Variants in ACSM3 observed in about 807,000 individuals in gnomAD.
ACSM3 encodes the protein acyl-coenzyme A synthetase ACSM3, mitochondrial.
Under a neutral mutation model 74.1 loss-of-function variants are expected in ACSM3, and 61 were observed. The observed-to-expected ratio is 0.82, with a 90% confidence interval of 0.67 to 1.02. The LOEUF (loss-of-function observed/expected upper bound fraction) is 1.02, where lower values mean the gene tolerates loss of function less well. ACSM3 is among the 50% of genes least tolerant of loss of function. ACSM3 has a pLI of 0.00. For synonymous variants in ACSM3, 213 were observed against 241.5 expected (o/e 0.88, Z 1.09); for missense variants, 660 against 697.0 (o/e 0.95, Z 0.60).
upstream of ACSM3, chr16:20,674,558 T>C (rs1443341768): frequency 6.5e-6 from 1 of 152,960 alleles, no homozygotes; most frequent in Non-Finnish European, 1.5e-5. Context: ...ATAATACATA[T>C]ATCCTCCTCA....
intron 1 of ACSM3, among the ~76,000 whole-genome samples, chr16:20,695,854 C>A (rs1172575327): frequency 6.6e-6 from 1 of 152,068 alleles, no homozygotes; most frequent in African/African-American, 2.4e-5. Context: ...TACATTTATA[C>A]CTATATCACT....
At chr16:20,758,641 T>C (rs1230609908) in intron 3 of ACSM3, among the ~76,000 whole-genome samples, 2 of 152,202 alleles carry the variant, frequency 1.3e-5, no homozygotes, top group Non-Finnish European at 2.9e-5. Context: ...TCAGTTCTGC[T>C]CGATTTTAGT....
At chr16:20,770,827 A>G (rs1170391204) in intron 2 of ACSM3, among the ~76,000 whole-genome samples, 1 of 152,154 alleles carries the variant, frequency 6.6e-6, no homozygotes, top group African/African-American at 2.4e-5. Flanking sequence ...ATGTGTAGTG[A>G]TCAAATGAGG....
At chr16:20,674,432 A>C (rs912705275), upstream of ACSM3, 5 of 170,324 alleles carry the variant, frequency 2.9e-5, no homozygotes, top group Non-Finnish European at 5.1e-5. Context: ...CTTCCCCCTG[A>C]ACAGATCTCT....
In ACSM3 at chr16:20,767,234, G is replaced by C. The variant is rs2080136532; in HGVS notation, c.-51-2750G>C. 2.6e-5 allele frequency among the ~76,000 whole-genome samples: 2 copies of C among 77,598 alleles called. 1 individual carries two copies. The highest frequency in any genetic ancestry group is 6.4e-5 in the Non-Finnish European group (2 of 31,190). 50.9% of individuals were successfully genotyped at this position (77,598 alleles called of 152,430 possible). Reference sequence around the variant, plus strand: ...GACTTGCCAGCAAAAAACAGGGACCGGGGCCGGGCGCGGTGGCTCACGCCT... The same window carrying C: ...GACTTGCCAGCAAAAAACAGGGACCCGGGCCGGGCGCGGTGGCTCACGCCT... On this transcript the variant is annotated intron_variant, in intron 1 of 13. Transcript: ENST00000289416.
At chr16:20,742,813 A>ATATATTTTTT (rs61582869) in intron 1 of ACSM3, among the ~76,000 whole-genome samples, 28 of 66,822 alleles carry the variant, frequency 4.2e-4, no homozygotes, top group Admixed American at 8.1e-4. Flanking sequence ...ATATATATAT[A>ATATATTTTTT]TTTTTTTTTT....
intron 1 of ACSM3, among the ~76,000 whole-genome samples, chr16:20,687,899 C>T (rs2079581785): frequency 6.6e-6 from 1 of 152,036 alleles, no homozygotes; most frequent in African/African-American, 2.4e-5. Context: ...GCCTGGCCAA[C>T]ACGGCAAAAC....
At chr16:20,761,050 T>G (rs140789018), upstream of ACSM3, among the ~76,000 whole-genome samples, 1,107 of 152,318 alleles carry the variant, frequency 7.3e-3, 8 homozygotes, top group Middle Eastern at 0.024. Flanking sequence ...GCCCAGCCTC[T>G]TCCTCCTTTG....
rs1432419699 is a variant in ACSM3, at chr16:20,796,981, C to G, written c.*9C>G. On this transcript the variant is annotated 3_prime_UTR_variant, in exon 14 of 14. Coordinates refer to ENST00000289416, the MANE Select transcript of ACSM3 (RefSeq NM_005622.4). Reference sequence around the variant, plus strand: ...AATGGAAGACAATTTAAAGTTGTTTCATTAATTACCATATCTATAAAACAA... The same window carrying G: ...AATGGAAGACAATTTAAAGTTGTTTGATTAATTACCATATCTATAAAACAA... 6.2e-7 allele frequency: 1 copy of G among 1,610,036 alleles called. No homozygotes were observed. The highest frequency in any genetic ancestry group is 8.5e-7 in the Non-Finnish European group (1 of 1,178,524).
intron 1 of ACSM3, chr16:20,711,547 A>C (rs2079744096): frequency 7.0e-7 from 1 of 1,426,758 alleles, no homozygotes; most frequent in East Asian, 2.4e-5. Flanking sequence ...ATCCAAGGCC[A>C]AGTGCATTGT....
At chr16:20,761,303 C>A (rs531835864), upstream of ACSM3, among the ~76,000 whole-genome samples, 6 of 152,328 alleles carry the variant, frequency 3.9e-5, no homozygotes, top group African/African-American at 1.4e-4. Context: ...CAAACTGTAA[C>A]CCAATCACCT....
At chr16:20,749,110 T>A (rs2079970872) in intron 1 of ACSM3, among the ~76,000 whole-genome samples, 1 of 152,108 alleles carries the variant, frequency 6.6e-6, no homozygotes, top group African/African-American at 2.4e-5. Flanking sequence ...ATGTGTAATA[T>A]GAACTAACTT....
Position 20,790,455 on chromosome 16 carries a change from TCACA to T in ACSM3, c.1225-125_1225-122del, listed in dbSNP as rs1361696058. On this transcript the variant is annotated intron_variant, in intron 9 of 13. Transcript: ENST00000289416. This position sits in a 1 kb window ranked among gnomAD's most constrained non-coding sequence, Gnocchi z 4.0. ...CTGGGTGACAAAGTGAGACCTTGTC[TCACA>T]CACACAAAATTTTTTTTAAGTCTTC... 1.2e-6 allele frequency: 1 copy of T among 801,874 alleles called. No homozygotes were observed. Among genetic ancestry groups the T allele is most frequent in the African/African-American group, 1.7e-5 (1 of 57,372 alleles). The allele number at this position is 801,874 out of a possible 1,614,324, so 49.7% of individuals were successfully genotyped here. A position where few individuals can be genotyped will look rare whatever the true frequency, so the allele number is the denominator to read the frequency against.
intron 1 of ACSM3, among the ~76,000 whole-genome samples, chr16:20,694,826 G>A (rs1195251446): frequency 6.6e-6 from 1 of 152,066 alleles, no homozygotes; most frequent in Non-Finnish European, 1.5e-5. Flanking sequence ...ATTAGGGTGG[G>A]CCCTAATCCA....
chr16:20,771,371 C>CT (rs57406215), intron 2 of ACSM3, among the ~76,000 whole-genome samples: 30,360 of 85,220 alleles, frequency 0.36, 7,957 homozygotes, highest in Non-Finnish European at 0.49. Flanking sequence ...GGCCGAGCTC[C>CT]TTTTTTTTTT....
At chr16:20,743,512 T>C (rs1476592430) in intron 1 of ACSM3, among the ~76,000 whole-genome samples, 1 of 152,156 alleles carries the variant, frequency 6.6e-6, no homozygotes, top group African/African-American at 2.4e-5. Context: ...ATACTACTCT[T>C]CAGGTACAAA....
intron 1 of ACSM3, chr16:20,741,461 C>G (rs1230637373): frequency 6.8e-7 from 1 of 1,475,028 alleles, no homozygotes; most frequent in African/African-American, 1.4e-5. Flanking sequence ...CTTCCCTCCT[C>G]CCGCAAGGCC....
At chr16:20,739,314 T>G (rs2079897850) in intron 1 of ACSM3, among the ~76,000 whole-genome samples, 1 of 151,978 alleles carries the variant, frequency 6.6e-6, no homozygotes. Context: ...TAGCTGTGAT[T>G]ACAGGCGCAT....
At chr16:20,689,227 G>A (rs531393295) in intron 1 of ACSM3, among the ~76,000 whole-genome samples, 19 of 151,762 alleles carry the variant, frequency 1.3e-4, no homozygotes, top group Non-Finnish European at 2.2e-4. Context: ...GTTGTTATCA[G>A]TATTAAATAG....
Sources: allele counts gnomAD v4.1 joint callset (sites outside exome capture counted in the v4.1 genomes callset), GRCh38; gene constraint gnomAD v4.1.1; non-coding constraint Gnocchi (gnomAD v3.1); transcripts MANE v1.5; gene names NCBI Gene and HGNC (gene_info 2026-07-23, HGNC 2026-07-21).